TBCE: variants seen among roughly 807,000 people sequenced by gnomAD.
The protein encoded by TBCE is tubulin folding cofactor E.
In TBCE, 53 loss-of-function variants were observed where a neutral mutation model predicts 77.0. That is an observed-to-expected ratio of 0.69 (90% CI 0.55 to 0.87). The LOEUF (loss-of-function observed/expected upper bound fraction) is 0.87. TBCE is among the 40% of genes least tolerant of loss of function. The probability of loss-of-function intolerance (pLI) is 0.00; values close to 1 mark genes in which losing one functional copy is unlikely to be tolerated. For synonymous variants in TBCE, 235 were observed against 241.3 expected, an observed-to-expected ratio of 0.97 and a Z score of 0.24; for missense variants, 624 against 622.4, an observed-to-expected ratio of 1.00 and a Z score of -0.03.
chr1:235,448,705 A>AAAGTC lies in TBCE; in HGVS notation c.1529_1533dup (p.Leu512SerfsTer15). The stretch of plus-strand genomic sequence containing the variant: ...GAGAAATCGAGCTGGAAAATGACCT[A>AAAGTC]AAGTCATTACAGTTTTATTCTGTGG... On this transcript the variant is annotated frameshift_variant, in exon 17 of 17. Transcript: ENST00000642610. LOFTEE classifies it high-confidence loss of function. 3 of 1,614,066 alleles carry AAAGTC rather than the reference A, an allele frequency of 1.9e-6. No homozygotes were observed. Among genetic ancestry groups the AAAGTC allele is most frequent in the Non-Finnish European group, 2.5e-6 (3 of 1,179,928 alleles).
chr1:235,391,858 C>T (rs1474380911), intron 2 of TBCE, among the ~76,000 whole-genome samples: 1 of 151,932 alleles, frequency 6.6e-6, no homozygotes, highest in African/African-American at 2.4e-5. Context: ...CAACCCACCT[C>T]ACCCTCTCAA....
chr1:235,370,531 G>C (rs1219990952), intron 1 of TBCE, among the ~76,000 whole-genome samples: 4 of 149,590 alleles, frequency 2.7e-5, no homozygotes, highest in African/African-American at 7.4e-5. Context: ...GATTACAGGC[G>C]TGAGCCACTG....
intron 2 of TBCE, among the ~76,000 whole-genome samples, chr1:235,386,472 A>G (rs1678012167): frequency 6.6e-6 from 1 of 152,202 alleles, no homozygotes; most frequent in African/African-American, 2.4e-5. Flanking sequence ...ACATAGTCCC[A>G]TATTTCTTGG....
rs1185427267 is a variant in TBCE, at chr1:235,440,206, G to A, written c.1270+1284G>A. 2.0e-5 allele frequency among the ~76,000 whole-genome samples: 3 copies of A among 152,220 alleles called. No individual in the cohort carries two copies. In the East Asian group the frequency reaches 5.8e-4, roughly 30 times the overall value. On this transcript the variant is annotated intron_variant, in intron 13 of 16. Transcript: ENST00000642610. ...AGGATGGTCTCGATCTCCTGACCTT[G>A]TGATCCACCCACCTTGGCCTCCCAG...
intron 1 of TBCE, among the ~76,000 whole-genome samples, chr1:235,373,300 TGTA>T (rs898562716): frequency 9.9e-5 from 15 of 152,138 alleles, no homozygotes; most frequent in South Asian, 6.2e-4. Context: ...GTAATACAAT[TGTA>T]GTAAAATTTA....
chr1:235,435,360 C>T (rs750766081), intron 8 of TBCE, among the ~76,000 whole-genome samples: 49 of 152,058 alleles, frequency 3.2e-4, no homozygotes, highest in Non-Finnish European at 2.2e-4. Context: ...CTCGGCCTCC[C>T]GAAGTGCTGG....
At chr1:235,435,933 G>A (rs1445043785) in intron 9 of TBCE, 93 bp downstream of exon 9, 17 of 1,103,926 alleles carry the variant, frequency 1.5e-5, no homozygotes, top group Middle Eastern at 4.0e-4. Context: ...CAATAGAAAC[G>A]TGGTAACAAT....
intron 2 of TBCE, among the ~76,000 whole-genome samples, chr1:235,387,524 G>T (rs571491149): frequency 1.3e-5 from 2 of 152,148 alleles, no homozygotes; most frequent in Admixed American, 1.3e-4. Flanking sequence ...TCCCCCAGCC[G>T]CGCTGCTGCC....
chr1:235,409,637 C>T (rs1386405725), intron 3 of TBCE, among the ~76,000 whole-genome samples: 2 of 151,554 alleles, frequency 1.3e-5, no homozygotes, highest in East Asian at 3.9e-4. Flanking sequence ...CTCCTTTCAT[C>T]TGCCTGCAAC....
intron 6 of TBCE, among the ~76,000 whole-genome samples, chr1:235,427,683 C>A (rs566613029): frequency 6.6e-6 from 1 of 152,214 alleles, no homozygotes; most frequent in South Asian, 2.1e-4. Flanking sequence ...CCTGATTGAA[C>A]CAATCTGTGA....
intron 2 of TBCE, among the ~76,000 whole-genome samples, chr1:235,392,228 GCCTGTAGCCCCAGCTA>G (rs1479921090): frequency 6.6e-6 from 1 of 151,988 alleles, no homozygotes; most frequent in African/African-American, 2.4e-5. Flanking sequence ...GGTGGCATGT[GCCTGTAGCCCCAGCTA>G]CTTGGGAAGC....
At chr1:235,371,678 A>C (rs1049424629) in intron 1 of TBCE, among the ~76,000 whole-genome samples, 3 of 140,802 alleles carry the variant, frequency 2.1e-5, no homozygotes, top group African/African-American at 8.1e-5. Context: ...ACCCGGCCCC[A>C]CCTTTTTTTC....
chr1:235,370,201 A>G (rs1676821565), intron 1 of TBCE, among the ~76,000 whole-genome samples: 1 of 151,232 alleles, frequency 6.6e-6, no homozygotes, highest in Non-Finnish European at 1.5e-5. Context: ...TCTCACTGGC[A>G]TAGAAGGTTT....
In TBCE at chr1:235,375,061, C is replaced by T. The variant is rs370745726; in HGVS notation, c.-31-4958C>T. On this transcript the variant is annotated intron_variant, in intron 1 of 16. Coordinates refer to ENST00000642610, the MANE Select transcript of TBCE (RefSeq NM_003193.5). ...TCAGCCTCCCGAGTAGCTGGGACTA[C>T]AGGCGCCCACCACCACGCCCGGCTA... is the stretch of plus-strand genomic sequence containing the variant. Among the ~76,000 whole-genome samples, 85 of 149,968 alleles carry T rather than the reference C, an allele frequency of 5.7e-4. 1 individual carries two copies. Among genetic ancestry groups the T allele is most frequent in the African/African-American group, 2.1e-3 (83 of 40,330 alleles).
At chr1:235,380,937 C>T (rs1677598181) in intron 2 of TBCE, among the ~76,000 whole-genome samples, 1 of 152,098 alleles carries the variant, frequency 6.6e-6, no homozygotes, top group African/African-American at 2.4e-5. Context: ...AGGCATGTGC[C>T]ACCACACCCG....
At chr1:235,377,714 C>T (rs1217851437) in intron 1 of TBCE, among the ~76,000 whole-genome samples, 4 of 150,186 alleles carry the variant, frequency 2.7e-5, no homozygotes, top group Non-Finnish European at 4.4e-5. Context: ...TACAATGGCT[C>T]GATCTCGGCT....
chr1:235,448,131 C>T (rs1682557594), intron 15 of TBCE, among the ~76,000 whole-genome samples: 5 of 146,518 alleles, frequency 3.4e-5, no homozygotes, highest in South Asian at 4.3e-4. Context: ...ACCCGGGAAG[C>T]GGAGGTTGCA....
At chr1:235,389,852 G>A (rs1218955441) in intron 2 of TBCE, among the ~76,000 whole-genome samples, 1 of 152,114 alleles carries the variant, frequency 6.6e-6, no homozygotes, top group African/African-American at 2.4e-5. Flanking sequence ...GACTGGGCGT[G>A]GTGGCTCATG....
intron 6 of TBCE, chr1:235,430,384 T>C (rs190881287): frequency 2.9e-5 from 9 of 313,504 alleles, no homozygotes; most frequent in Non-Finnish European, 5.5e-5. Flanking sequence ...TCCAGAGCCA[T>C]ATCTTGTGAA....
Sources: gnomAD v4.1 joint callset for allele counts (sites outside exome capture counted in the v4.1 genomes callset) on GRCh38, gnomAD v4.1.1 for gene constraint, MANE v1.5 for transcripts, NCBI Gene and HGNC (gene_info 2026-07-23, HGNC 2026-07-21) for gene names.